CDK16: variants seen among roughly 807,000 people sequenced by gnomAD.
CDK16 encodes cyclin-dependent kinase 16.
A neutral mutation model predicts 41.6 loss-of-function variants in CDK16; 2 were observed. The observed-to-expected ratio is 0.05, with a 90% CI of 0.02 to 0.15. The LOEUF is 0.15. CDK16 is among the 10% of genes least tolerant of loss of function. The pLI is 1.00. For synonymous variants in CDK16, 169 were observed against 169.7 expected, an observed-to-expected ratio of 1.00 and a Z score of 0.03; for missense variants, 228 against 428.9, an observed-to-expected ratio of 0.53 and a Z score of 4.14.
In CDK16 at chrX:47,227,089, C is replaced by T. The variant is rs1250881304; in HGVS notation, c.1231C>T (p.His411Tyr). ...PKYRAEALLS[H>Y]APRLDSDGAD... Reference sequence around the variant, plus strand: ...GTACCGAGCCGAGGCCCTTTTGAGCCACGCACCCCGGTGAGGCTGGTGGGT... The same window carrying T: ...GTACCGAGCCGAGGCCCTTTTGAGCTACGCACCCCGGTGAGGCTGGTGGGT... The change falls in exon 12 of 16, where the codon CAC (histidine) becomes TAC (tyrosine). Residue 411 changes from histidine (H) to tyrosine (Y), a missense_variant. This residue lies in a region of CDK16 where 91 missense variants were observed against 129.5 expected (regional missense o/e 0.70). Coordinates refer to ENST00000357227, the MANE Select transcript of CDK16 (RefSeq NM_006201.5). 5.0e-6 allele frequency: 6 copies of T among 1,209,562 alleles called. No homozygotes were observed. The African/African-American group carries it at 8.7e-5, about 18-fold the overall frequency.
At chrX:47,223,009 G>A (rs561007691) in intron 1 of CDK16, 3 of 1,064,637 alleles carry the variant, frequency 2.8e-6, no homozygotes, top group South Asian at 2.2e-5. Context: ...TTGTCATGAC[G>A]ATGAGTGCTA....
At chrX:47,219,467 T>C (rs1937239047) in intron 1 of CDK16, among the ~76,000 whole-genome samples, 1 of 107,684 alleles carries the variant, frequency 9.3e-6, no homozygotes, top group Non-Finnish European at 1.9e-5. Context: ...AGGCCCCGTG[T>C]GTGCTTGTGG....
Position 47,227,074 on chromosome X carries a change from G to A in CDK16, c.1216G>A (p.Glu406Lys), listed in dbSNP as rs763966261. ...KTYNYPKYRA[E>K]ALLSHAPRLD... ...ATACAACTACCCCAAGTACCGAGCC[G>A]AGGCCCTTTTGAGCCACGCACCCCG... The change falls in exon 12 of 16, where the codon GAG (glutamate) becomes AAG (lysine). Residue 406 changes from glutamate (E) to lysine (K), a missense_variant. This residue lies in a region of CDK16 where 91 missense variants were observed against 129.5 expected (regional missense o/e 0.70). Coordinates refer to ENST00000357227, the MANE Select transcript of CDK16 (RefSeq NM_006201.5). The A allele has an allele frequency of 6.6e-6, 8 of 1,211,873 alleles. No homozygotes were observed. The highest frequency in any genetic ancestry group is 5.9e-5 in the East Asian group (2 of 33,846).
Position 47,218,842 on chromosome X carries a change from G to A in CDK16, c.-270G>A. On this transcript the variant is annotated 5_prime_UTR_variant, in exon 1 of 16. Coordinates refer to ENST00000357227, the MANE Select transcript of CDK16 (RefSeq NM_006201.5). ...CACTCGGATTCAAGCCGGCGCCAAC[G>A]AGTCCGGGGGCATCGCCCGCAGCGG... The A allele has an allele frequency of 3.5e-6, 4 of 1,128,680 alleles. No individual in the cohort carries two copies. The highest frequency in any genetic ancestry group is 3.5e-6 in the Non-Finnish European group (3 of 859,380). The allele number at this position is 1,128,680 out of a possible 1,213,427, so 93.0% of individuals were successfully genotyped here.
chrX:47,227,105 G>A lies in CDK16; in HGVS notation c.1241+6G>A, dbSNP rs371394914. On this transcript the variant is annotated splice_donor_region_variant and intron_variant, in intron 12 of 15. Coordinates refer to ENST00000357227, the MANE Select transcript of CDK16 (RefSeq NM_006201.5). ...CTTTTGAGCCACGCACCCCGGTGAG[G>A]CTGGTGGGTGGGTGGGCGTTAGGGG... The A allele has an allele frequency of 3.0e-5, 36 of 1,206,889 alleles. No homozygotes were observed. In the South Asian group the frequency reaches 5.1e-4, roughly 17 times the overall value.
At chrX:47,227,863 C>T (rs2055259699) in intron 14 of CDK16, 1 of 140,796 alleles carries the variant, frequency 7.1e-6, no homozygotes, top group Admixed American at 7.8e-5. Context: ...CTTGCATCTC[C>T]TTCAGTTATT....
In CDK16 at chrX:47,227,677, T is replaced by C. The variant is rs1366586274; in HGVS notation, c.1375+208T>C. On this transcript the variant is annotated intron_variant, in intron 14 of 15. Transcript: ENST00000357227. ...TTTCATGAAAAATTTAAAACATACA[T>C]AAAAATATATGCAATAGCACTTTAC... 1.3e-4 allele frequency: 55 copies of C among 427,651 alleles called. No individual in the cohort carries two copies. The South Asian group carries it at 1.8e-3, about 14-fold the overall frequency. The allele number at this position is 427,651 out of a possible 1,213,427, so 35.2% of individuals were successfully genotyped here.
chrX:47,225,683 G>A lies in CDK16; in HGVS notation c.635-89G>A. 3 of 672,943 alleles carry A rather than the reference G, an allele frequency of 4.5e-6. No homozygotes were observed. In the South Asian group the frequency reaches 7.1e-5, roughly 16 times the overall value. 55.5% of individuals were successfully genotyped at this position (672,943 alleles called of 1,213,427 possible). Reference sequence around the variant, plus strand: ...TGTCTAGAGAAAGAAAGAAAACCTGGGCTTGTCCCTTTCTAGTCCTTGTCC... The same window carrying A: ...TGTCTAGAGAAAGAAAGAAAACCTGAGCTTGTCCCTTTCTAGTCCTTGTCC... On this transcript the variant is annotated intron_variant, in intron 6 of 15. Transcript: ENST00000357227.
intron 1 of CDK16, among the ~76,000 whole-genome samples, chrX:47,222,652 G>GGGGGGGGT (rs1937380435): frequency 9.8e-6 from 1 of 102,516 alleles, no homozygotes; most frequent in African/African-American, 3.6e-5. Context: ...AATGATGGCG[G>GGGGGGGGT]GGGGGTGTGG....
intron 1 of CDK16, among the ~76,000 whole-genome samples, chrX:47,220,648 A>G (rs1294385214): frequency 9.1e-6 from 1 of 110,478 alleles, no homozygotes. Context: ...AATAGAAATC[A>G]GGCCTGAGTG....
Position 47,219,026 on chromosome X carries a change from C to G in CDK16, c.-86C>G. The stretch of plus-strand genomic sequence containing the variant: ...GGCGAACAGGAGGAGAAGGAGGTCG[C>G]GCGGCCTCATCCCGGGCCGCCGCCC... On this transcript the variant is annotated 5_prime_UTR_variant, in exon 1 of 16. Coordinates refer to ENST00000357227, the MANE Select transcript of CDK16 (RefSeq NM_006201.5). 2 of 849,097 alleles carry G rather than the reference C, an allele frequency of 2.4e-6. No homozygotes were observed. The highest frequency in any genetic ancestry group is 2.9e-6 in the Non-Finnish European group (2 of 701,654). 70.0% of individuals were successfully genotyped at this position (849,097 alleles called of 1,213,427 possible). A position where few individuals can be genotyped will look rare whatever the true frequency, so the allele number is the denominator to read the frequency against.
rs1357311744 is a variant in CDK16, at chrX:47,226,261, C to T, written c.793-18C>T. ...GTGGATAGTCTTTGACCTCTGCCTG[C>T]CATTCCTGGGTCCCCAGCTGTTCCT... On this transcript the variant is annotated intron_variant, in intron 8 of 15. Coordinates refer to ENST00000357227, the MANE Select transcript of CDK16 (RefSeq NM_006201.5). 8.3e-7 allele frequency: 1 copy of T among 1,210,391 alleles called. No individual in the cohort carries two copies. Among genetic ancestry groups the T allele is most frequent in the Non-Finnish European group, 1.1e-6 (1 of 895,007 alleles).
chrX:47,222,701 A>G (rs1184952519), intron 1 of CDK16, among the ~76,000 whole-genome samples: 1 of 108,912 alleles, frequency 9.2e-6, no homozygotes, highest in African/African-American at 3.4e-5. Context: ...AATAGGGGCA[A>G]ATGAGGTAAA....
chrX:47,221,357 G>A lies in CDK16; in HGVS notation c.-6-2195G>A, dbSNP rs763921753. Among the ~76,000 whole-genome samples, 6 of 111,954 alleles carry A rather than the reference G, an allele frequency of 5.4e-5. No individual in the cohort carries two copies. In the East Asian group the frequency reaches 8.4e-4, roughly 16 times the overall value. On this transcript the variant is annotated intron_variant, in intron 1 of 15. Coordinates refer to ENST00000357227, the MANE Select transcript of CDK16 (RefSeq NM_006201.5). ...AAATGATATTTAAAAGTTTCCTTGC[G>A]TATAAATGTTCAATTATCTCTGTTC... is the stretch of plus-strand genomic sequence containing the variant.
intron 8 of CDK16, 75 bp downstream of exon 8, chrX:47,226,102 C>T (rs771246467): frequency 2.7e-5 from 30 of 1,130,636 alleles, no homozygotes; most frequent in Admixed American, 1.5e-4. Context: ...CTCCCAGAAA[C>T]GGACTTTTCC....
intron 1 of CDK16, chrX:47,223,066 T>C (rs1602680563): frequency 8.7e-7 from 1 of 1,149,677 alleles, no homozygotes; most frequent in Non-Finnish European, 1.2e-6. Flanking sequence ...ATAGTCTGCC[T>C]TGGCCTTTGA....
chrX:47,225,159 ACTC>A, intron 6 of CDK16, 57 bp downstream of exon 6: 1 of 812,759 alleles, frequency 1.2e-6, no homozygotes, highest in Non-Finnish European at 1.8e-6. Flanking sequence ...TGGCGCACAC[ACTC>A]CATAATGAGA....
rs1237811055 is a variant in CDK16 at position 47,223,474 on chromosome X, G to T, written c.-6-78G>T. On this transcript the variant is annotated intron_variant, in intron 1 of 15. Transcript: ENST00000357227. Reference sequence around the variant, plus strand: ...AGTTCATGTCAGTGCCCCCTGCTAGGCTGTGGGCTTTAGGGAACCCATGGT... The same window carrying T: ...AGTTCATGTCAGTGCCCCCTGCTAGTCTGTGGGCTTTAGGGAACCCATGGT... 3 of 1,061,866 alleles carry T rather than the reference G, an allele frequency of 2.8e-6. No homozygotes were observed. The African/African-American group carries it at 5.6e-5, about 20-fold the overall frequency. The allele number at this position is 1,061,866 out of a possible 1,213,427, so 87.5% of individuals were successfully genotyped here.
At chrX:47,221,114 T>C (rs1053633999) in intron 1 of CDK16, among the ~76,000 whole-genome samples, 5 of 111,000 alleles carry the variant, frequency 4.5e-5, no homozygotes, top group Middle Eastern at 4.6e-3. Flanking sequence ...CTTGAGGGTC[T>C]AGCGTGTATT....
Sources: gnomAD v4.1 joint callset for allele counts (sites outside exome capture counted in the v4.1 genomes callset) on GRCh38, gnomAD v4.1.1 for gene constraint, gnomAD v4.1.1 regional missense constraint, MANE v1.5 for transcripts, NCBI Gene and HGNC (gene_info 2026-07-23, HGNC 2026-07-21) for gene names.